Variants in TSC1 observed in about 807,000 individuals in gnomAD.
TSC1 encodes the protein hamartin.
In TSC1, 20 loss-of-function variants were observed where a neutral mutation model predicts 124.3. That is an observed-to-expected ratio of 0.16 (90% CI 0.11 to 0.23). The LOEUF is 0.23. Ranked by LOEUF, TSC1 falls within the 10% of genes least tolerant of loss-of-function variation. The pLI is 1.00. For synonymous variants in TSC1, 493 were observed against 539.1 expected (o/e 0.91, Z 1.19); for missense variants, 1,124 against 1,448.5 (o/e 0.78, Z 3.64).
In TSC1 at chr9:132,921,055, C is replaced by T. The variant is rs1436873505; in HGVS notation, c.737+308G>A. 6.6e-6 allele frequency among the ~76,000 whole-genome samples: 1 copy of T among 151,982 alleles called. No individual in the cohort carries two copies. The highest frequency in any genetic ancestry group is 1.5e-5 in the Non-Finnish European group (1 of 67,982). On this transcript the variant is annotated intron_variant, in intron 8 of 22. Transcript: ENST00000298552. This position sits in a 1 kb window ranked among gnomAD's most constrained non-coding sequence, Gnocchi z 4.3. ...TGCTAAATTGTTTTTCTGCAGTCCC[C>T]TTGTTTTTAGCCATATGCTTCACCT...
chr9:132,894,431 A>C lies in TSC1; in HGVS notation c.*1804T>G, dbSNP rs1844923337. ...TTCTAAAACGGAACCAGGAAACTAGACTGTATTGGGTTTTAAGCTTTCCTT... is the reference window on the plus strand; with the variant it reads ...TTCTAAAACGGAACCAGGAAACTAGCCTGTATTGGGTTTTAAGCTTTCCTT... On this transcript the variant is annotated 3_prime_UTR_variant, in exon 23 of 23. Transcript: ENST00000298552. The C allele has an allele frequency of 4.4e-6, 1 of 228,972 alleles. No individual in the cohort carries two copies. Among genetic ancestry groups the C allele is most frequent in the Non-Finnish European group, 8.7e-6 (1 of 115,208 alleles). The allele number at this position is 228,972 out of a possible 1,614,324, so 14.2% of individuals were successfully genotyped here. A position where few individuals can be genotyped will look rare whatever the true frequency, so the allele number is the denominator to read the frequency against.
chr9:132,897,225 A>G lies in TSC1; in HGVS notation c.2934T>C (p.Leu978=), dbSNP rs1554813253. 2 of 1,614,036 alleles carry G rather than the reference A, an allele frequency of 1.2e-6. No homozygotes were observed. The highest frequency in any genetic ancestry group is 1.7e-6 in the Non-Finnish European group (2 of 1,180,012). ...RLEKDGLLKK[L]EEEKAEAAEA... The stretch of plus-strand genomic sequence containing the variant: ...CAGCTGCTTCTGCTTTTTCTTCTTC[A>G]AGTTTTTTCAGGAGGCCATCTTTCT... The change falls in exon 22 of 23, where the codon CTT becomes CTC. Residue 978 remains leucine (L), a synonymous_variant. Transcript: ENST00000298552.
rs739441 is a variant in TSC1 at position 132,894,728 on chromosome 9, C to T, written c.*1507G>A. 0.78 allele frequency: 161,330 copies of T among 206,350 alleles called. 63,575 individuals are homozygous for T. Among genetic ancestry groups the T allele is most frequent in the South Asian group, 0.83 (4,359 of 5,234 alleles). 12.8% of individuals were successfully genotyped at this position (206,350 alleles called of 1,614,324 possible). A position where few individuals can be genotyped will look rare whatever the true frequency, so the allele number is the denominator to read the frequency against. On this transcript the variant is annotated 3_prime_UTR_variant, in exon 23 of 23. Coordinates refer to ENST00000298552, the MANE Select transcript of TSC1 (RefSeq NM_000368.5). ...AAAAAAAAAAAAAGACTTTCATTCT[C>T]TCTGCTCGAGGCCTCCGTGGGCACT...
At chr9:132,907,523 CTT>C (rs1162585322) in intron 12 of TSC1, among the ~76,000 whole-genome samples, 153 bp from the exon 13 acceptor site, 3 of 151,994 alleles carry the variant, frequency 2.0e-5, no homozygotes, top group Non-Finnish European at 2.9e-5. Context: ...GAGTTTCGCT[CTT>C]GTTGCCCAGG....
At chr9:132,919,770 C>T (rs988917034) in intron 8 of TSC1, among the ~76,000 whole-genome samples, 4 of 152,142 alleles carry the variant, frequency 2.6e-5, no homozygotes, top group South Asian at 2.1e-4. Context: ...AGAACCAGTT[C>T]GGATCAGAAC....
chr9:132,906,927 A>G lies in TSC1; in HGVS notation c.1334-92T>C. 1 of 972,826 alleles carries G rather than the reference A, an allele frequency of 1.0e-6. No individual in the cohort carries two copies. The highest frequency in any genetic ancestry group is 1.6e-6 in the Non-Finnish European group (1 of 615,708). The allele number at this position is 972,826 out of a possible 1,614,324, so 60.3% of individuals were successfully genotyped here. ...TTACACTGTATAGAATATGTCTGTA[A>G]TAACTCTTCATGCTGAACAGAGAAG... On this transcript the variant is annotated intron_variant, in intron 13 of 22. Coordinates refer to ENST00000298552, the MANE Select transcript of TSC1 (RefSeq NM_000368.5). The surrounding 1 kb of genome is among the most constrained non-coding windows in gnomAD (Gnocchi z 4.1).
At chr9:132,909,156 G>C (rs1042420669) in intron 12 of TSC1, among the ~76,000 whole-genome samples, 4 of 152,100 alleles carry the variant, frequency 2.6e-5, no homozygotes, top group African/African-American at 7.2e-5. Flanking sequence ...ACCTGCTTCA[G>C]CCTCCCAAAG....
Position 132,895,844 on chromosome 9 carries a change from A to C in TSC1, c.*391T>G, listed in dbSNP as rs1845003576. The C allele has an allele frequency of 3.0e-6, 1 of 334,716 alleles. No homozygotes were observed. Among genetic ancestry groups the C allele is most frequent in the African/African-American group, 2.1e-5 (1 of 48,228 alleles). The allele number at this position is 334,716 out of a possible 1,614,324, so 20.7% of individuals were successfully genotyped here. On this transcript the variant is annotated 3_prime_UTR_variant, in exon 23 of 23. Coordinates refer to ENST00000298552, the MANE Select transcript of TSC1 (RefSeq NM_000368.5). ...ACCTGGTCTAATTGAGAGCCAACCC[A>C]GTTATCTGAACTTCGGGAAAGCAGA...
chr9:132,911,250 A>G, intron 10 of TSC1, 137 bp from the exon 11 acceptor site: 4 of 843,794 alleles, frequency 4.7e-6, no homozygotes, highest in Non-Finnish European at 8.1e-6. Flanking sequence ...GCGTATCAAG[A>G]AACAAGTTGC....
At chr9:132,937,877 A>G (rs752661825) in intron 1 of TSC1, among the ~76,000 whole-genome samples, 10 of 151,998 alleles carry the variant, frequency 6.6e-5, no homozygotes, top group Non-Finnish European at 1.5e-4. Context: ...ACCATGCCCA[A>G]CTAATTTTTG....
At chr9:132,900,596 T>G (rs1319515777) in intron 20 of TSC1, 119 bp downstream of exon 20, 2 of 1,533,066 alleles carry the variant, frequency 1.3e-6, no homozygotes, top group Non-Finnish European at 1.8e-6. Flanking sequence ...GTAGTGGGAC[T>G]GCCGCTCCGT....
chr9:132,914,953 T>A (rs1217825385), intron 8 of TSC1, among the ~76,000 whole-genome samples: 1 of 151,916 alleles, frequency 6.6e-6, no homozygotes, highest in Admixed American at 6.6e-5. Context: ...AGGCAGGAGA[T>A]CACTTGAGGC....
At position 132,897,613 on chromosome 9, in the gene TSC1, GAA is replaced by G. The variant is rs5901000; in HGVS notation, c.2626-5_2626-4del. 0.013 allele frequency: 16,884 copies of G among 1,329,542 alleles called. 1 individual carries two copies. Among genetic ancestry groups the G allele is most frequent in the Middle Eastern group, 0.022 (101 of 4,662 alleles). 82.4% of individuals were successfully genotyped at this position (1,329,542 alleles called of 1,614,324 possible). A position where few individuals can be genotyped will look rare whatever the true frequency, so the allele number is the denominator to read the frequency against. On this transcript the variant is annotated splice_region_variant and splice_polypyrimidine_tract_variant and intron_variant, in intron 20 of 22. Coordinates refer to ENST00000298552, the MANE Select transcript of TSC1 (RefSeq NM_000368.5). ...GCGGCTTTCATCATTTCTACTTCCTGAAAAAAAAAAAAAAAAAAGACTGGAAT... is the reference window on the plus strand; with the variant it reads ...GCGGCTTTCATCATTTCTACTTCCTGAAAAAAAAAAAAAAAAGACTGGAAT...
chr9:132,913,824 T>G (rs1588331062), intron 8 of TSC1, among the ~76,000 whole-genome samples: 1 of 73,996 alleles, frequency 1.4e-5, no homozygotes, highest in Admixed American at 1.8e-4. Flanking sequence ...AGACTCCGTC[T>G]CAAAAAAAAA....
chr9:132,896,736 G>A lies in TSC1; in HGVS notation c.2994C>T (p.Asp998=), dbSNP rs923543734. 1.9e-5 allele frequency: 30 copies of A among 1,613,568 alleles called. No homozygotes were observed. Among genetic ancestry groups the A allele is most frequent in the East Asian group, 2.2e-5 (1 of 44,884 alleles). Residue 998 remains aspartate, a synonymous_variant, in exon 23 of 23, where the codon GAC becomes GAT. Transcript: ENST00000298552. This position sits in a 1 kb window ranked among gnomAD's most constrained non-coding sequence, Gnocchi z 4.5. Reference sequence around the variant, plus strand: ...GCCCTACCATGGAATCTGAGCACCCGTCATTACAACAGTCAAGCCTGTAAG... The same window carrying A: ...GCCCTACCATGGAATCTGAGCACCCATCATTACAACAGTCAAGCCTGTAAG... ...AAEERLDCCN[D]GCSDSMVGHN...
Position 132,905,608 on chromosome 9 carries a change from G to C in TSC1, c.1970C>G (p.Ala657Gly), listed in dbSNP as rs1845606482. Residue 657 changes from alanine (A) to glycine (G), a missense_variant, in exon 15 of 23, where the codon GCA becomes GGA. Transcript: ENST00000298552. ...GTTCAGCTCCTTGCTGTGCGCGTCT[G>C]CTCCCTGCTGTATCAGTCTGTCCAG... ...EVLDRLIQQGADAHSKELNKL... is the reference protein window; with the variant it reads ...EVLDRLIQQGGDAHSKELNKL... 2 of 1,614,188 alleles carry C rather than the reference G, an allele frequency of 1.2e-6. No individual in the cohort carries two copies. Among genetic ancestry groups the C allele is most frequent in the Admixed American group, 1.7e-5 (1 of 60,028 alleles).
At chr9:132,904,647 C>G (rs1364653435) in intron 15 of TSC1, among the ~76,000 whole-genome samples, 193 bp from the exon 16 acceptor site, 1 of 152,248 alleles carries the variant, frequency 6.6e-6, no homozygotes, top group African/African-American at 2.4e-5. Context: ...AGGCGGCCCT[C>G]GCCCCACTGC....
rs1164260393 is a variant in TSC1 at position 132,906,359 on chromosome 9, A to G, written c.1439-220T>C. ...CCAGGAGTTAGAGACCAGCCTGGAC[A>G]ACATAGGGAGATCCCATCTCTACAA... On this transcript the variant is annotated intron_variant, in intron 14 of 22. Coordinates refer to ENST00000298552, the MANE Select transcript of TSC1 (RefSeq NM_000368.5). This position sits in a 1 kb window ranked among gnomAD's most constrained non-coding sequence, Gnocchi z 4.1. The G allele has an allele frequency of 4.9e-6, 3 of 611,368 alleles. No individual in the cohort carries two copies. Among genetic ancestry groups the G allele is most frequent in the Non-Finnish European group, 8.7e-6 (3 of 344,424 alleles). The allele number at this position is 611,368 out of a possible 1,614,324, so 37.9% of individuals were successfully genotyped here. A position where few individuals can be genotyped will look rare whatever the true frequency, so the allele number is the denominator to read the frequency against.
rs1845023481 is a variant in TSC1, at chr9:132,896,250, A to G, written c.3480T>C (p.His1160=). The change falls in exon 23 of 23, where the codon CAT becomes CAC. Residue 1160 remains histidine (H), a synonymous_variant. Coordinates refer to ENST00000298552, the MANE Select transcript of TSC1 (RefSeq NM_000368.5). This position sits in a 1 kb window ranked among gnomAD's most constrained non-coding sequence, Gnocchi z 4.5. ...QLHIMDYNET[H]HEHS ...CCATCATTCCTTAGCTGTGTTCATG[A>G]TGAGTCTCATTGTAGTCCATGATAT... The G allele has an allele frequency of 6.2e-7, 1 of 1,614,064 alleles. No homozygotes were observed. The highest frequency in any genetic ancestry group is 1.3e-5 in the African/African-American group (1 of 74,920).
Sources: allele counts gnomAD v4.1 joint callset (sites outside exome capture counted in the v4.1 genomes callset), GRCh38; gene constraint gnomAD v4.1.1; non-coding constraint Gnocchi (gnomAD v3.1); transcripts MANE v1.5; gene names NCBI Gene and HGNC (gene_info 2026-07-23, HGNC 2026-07-21).